CD96: variants seen among roughly 807,000 people sequenced by gnomAD.
The protein encoded by CD96 is CD96 molecule.
CD96 carries 70 observed loss-of-function variants against 71.3 expected under a neutral mutation model. That is an observed-to-expected ratio of 0.98 (90% CI 0.81 to 1.20). The LOEUF (loss-of-function observed/expected upper bound fraction) is 1.20. Among genes scored for constraint, CD96 ranks in the 50% most tolerant of loss-of-function variants. The pLI, the probability that CD96 is intolerant of heterozygous loss-of-function variation, is 0.00. For synonymous variants in CD96, 248 were observed against 233.0 expected, an observed-to-expected ratio of 1.06 and a Z score of -0.59; for missense variants, 742 against 677.5, an observed-to-expected ratio of 1.10 and a Z score of -1.06.
intron 5 of CD96, chr3:111,594,006 C>T (rs762762438): frequency 3.1e-6 from 5 of 1,614,196 alleles, no homozygotes; most frequent in Non-Finnish European, 4.2e-6. Context: ...CCAGCACGAG[C>T]AGGAGCTAGG....
At chr3:111,581,460 A>G (rs1936464220) in intron 4 of CD96, among the ~76,000 whole-genome samples, 1 of 152,186 alleles carries the variant, frequency 6.6e-6, no homozygotes, top group African/African-American at 2.4e-5. Context: ...GATCTATTCC[A>G]CATGCCCTAA....
At chr3:111,626,025 C>T (rs751281869) in intron 10 of CD96, among the ~76,000 whole-genome samples, 7 of 152,220 alleles carry the variant, frequency 4.6e-5, no homozygotes, top group African/African-American at 9.6e-5. Flanking sequence ...CAATCTCGGC[C>T]GGGTGCAGTG....
intron 5 of CD96, 64 bp downstream of exon 5, chr3:111,585,442 G>C: frequency 1.9e-6 from 2 of 1,057,170 alleles, no homozygotes; most frequent in South Asian, 1.3e-5. Flanking sequence ...AGGTTGCATA[G>C]TTGCCAGGAA....
intron 2 of CD96, among the ~76,000 whole-genome samples, chr3:111,562,247 C>A (rs1359325253): frequency 6.6e-6 from 1 of 152,204 alleles, no homozygotes; most frequent in Non-Finnish European, 1.5e-5. Flanking sequence ...ATAACAACTT[C>A]TTTGAAGTCT....
chr3:111,586,536 C>T (rs1302566193), intron 5 of CD96, among the ~76,000 whole-genome samples: 2 of 152,158 alleles, frequency 1.3e-5, no homozygotes, highest in African/African-American at 4.8e-5. Context: ...TAAAGACACA[C>T]CCAAGACTGG....
intron 10 of CD96, among the ~76,000 whole-genome samples, chr3:111,624,998 T>G (rs993737420): frequency 3.9e-5 from 6 of 152,028 alleles, no homozygotes; most frequent in Non-Finnish European, 7.4e-5. Flanking sequence ...GGTGGGGAAG[T>G]GGTAAGGAAG....
chr3:111,636,515 G>A (rs1040148635), intron 10 of CD96, among the ~76,000 whole-genome samples: 1 of 152,156 alleles, frequency 6.6e-6, no homozygotes, highest in African/African-American at 2.4e-5. Context: ...GATATGTGGT[G>A]TCTGCCAAGG....
At position 111,649,691 on chromosome 3, in the gene CD96, T is replaced by A. The variant is rs374984505; in HGVS notation, c.1602-7T>A. 20 of 1,574,836 alleles carry A rather than the reference T, an allele frequency of 1.3e-5. No individual in the cohort carries two copies. Among genetic ancestry groups the A allele is most frequent in the Middle Eastern group, 1.7e-4 (1 of 6,022 alleles). ...TTAGCATTGAAAGACCAATATTTTG[T>A]TCCTAGAATGGAAAGACCTCCACCT... On this transcript the variant is annotated splice_region_variant and splice_polypyrimidine_tract_variant and intron_variant, in intron 13 of 13. Transcript: ENST00000352690.
chr3:111,634,263 G>A (rs897553109), intron 10 of CD96: 2 of 152,174 alleles, frequency 1.3e-5, no homozygotes, highest in Admixed American at 1.3e-4. Context: ...ATTTATGGTA[G>A]AATAGTATGC....
intron 2 of CD96, among the ~76,000 whole-genome samples, chr3:111,546,677 T>A (rs1576296754): frequency 6.6e-6 from 1 of 151,548 alleles, no homozygotes; most frequent in East Asian, 1.9e-4. Context: ...GGCCTGGTAA[T>A]ATAAGAAAAA....
At chr3:111,593,026 A>C (rs1937067170) in intron 5 of CD96, 1 of 152,358 alleles carries the variant, frequency 6.6e-6, no homozygotes, top group Non-Finnish European at 1.5e-5. Context: ...GCTGGGTCAC[A>C]CAGAACAAGC....
At chr3:111,544,575 A>G (rs1460824654) in intron 1 of CD96, among the ~76,000 whole-genome samples, 1 of 152,152 alleles carries the variant, frequency 6.6e-6, no homozygotes, top group Non-Finnish European at 1.5e-5. Context: ...GCCCTTGTAA[A>G]CATGTATTTT....
intron 2 of CD96, among the ~76,000 whole-genome samples, chr3:111,566,243 T>A (rs1196795092): frequency 6.6e-6 from 1 of 151,908 alleles, no homozygotes; most frequent in Non-Finnish European, 1.5e-5. Flanking sequence ...CCATTAATTA[T>A]ACCTCAGAGA....
intron 3 of CD96, among the ~76,000 whole-genome samples, chr3:111,569,681 G>A (rs1422968186): frequency 6.6e-6 from 1 of 152,158 alleles, no homozygotes; most frequent in Non-Finnish European, 1.5e-5. Context: ...CTTGTCTCAT[G>A]GGTATGTAAT....
At chr3:111,624,296 A>T in intron 9 of CD96, 37 bp from the exon 10 acceptor site, 1 of 1,426,730 alleles carries the variant, frequency 7.0e-7, no homozygotes. Flanking sequence ...ACAGCTTTCG[A>T]AAAAAGCTGG....
chr3:111,549,858 A>G (rs989498796), intron 2 of CD96, among the ~76,000 whole-genome samples: 2 of 152,220 alleles, frequency 1.3e-5, no homozygotes, highest in Admixed American at 6.5e-5. Flanking sequence ...AAGTTGTGAC[A>G]TACAGAAGAC....
At chr3:111,605,220 G>A (rs1301436833) in intron 7 of CD96, among the ~76,000 whole-genome samples, 1 of 152,208 alleles carries the variant, frequency 6.6e-6, no homozygotes, top group African/African-American at 2.4e-5. Context: ...ACACAGTGAT[G>A]AGGCATTTGC....
chr3:111,549,585 G>C (rs1934592949), intron 2 of CD96, among the ~76,000 whole-genome samples: 2 of 152,068 alleles, frequency 1.3e-5, no homozygotes, highest in Admixed American at 6.6e-5. Context: ...GAGAGATGCT[G>C]GTACCATTAA....
rs545654804 is a variant in CD96, at chr3:111,636,134, T to C, written c.1322-1062T>C. Reference sequence around the variant, plus strand: ...CTGAACTCAGACTGAAAAAAAGCTGTGTATGAAACCACTCTTACTTCTCAG... The same window carrying C: ...CTGAACTCAGACTGAAAAAAAGCTGCGTATGAAACCACTCTTACTTCTCAG... On this transcript the variant is annotated intron_variant, in intron 10 of 13. Coordinates refer to ENST00000352690, the MANE Select transcript of CD96 (RefSeq NM_005816.5). Among the ~76,000 whole-genome samples, 8 of 152,228 alleles carry C rather than the reference T, an allele frequency of 5.3e-5. No individual in the cohort carries two copies. The South Asian group carries it at 1.5e-3, about 28-fold the overall frequency.
Sources: gnomAD v4.1 joint callset for allele counts (sites outside exome capture counted in the v4.1 genomes callset) on GRCh38, gnomAD v4.1.1 for gene constraint, MANE v1.5 for transcripts, NCBI Gene and HGNC (gene_info 2026-07-23, HGNC 2026-07-21) for gene names.